SASH1: variants seen among roughly 807,000 people sequenced by gnomAD.
SASH1 encodes SAM and SH3 domain containing 1, also known as SAM and SH3 domain-containing protein 1.
A neutral mutation model predicts 125.2 loss-of-function variants in SASH1; 44 were observed. That is an observed-to-expected ratio of 0.35 (90% CI 0.28 to 0.45). SASH1 has a LOEUF of 0.45. SASH1 is among the 20% of genes least tolerant of loss of function. SASH1 has a pLI of 1.00. For missense variants in SASH1, 1,426 were observed against 1,614.5 expected (o/e 0.88, Z 2.00); for synonymous variants, 639 against 649.1 (o/e 0.98, Z 0.24).
chr6:148,269,536 G>A (rs576922356), upstream of SASH1, among the ~76,000 whole-genome samples: 3 of 152,282 alleles, frequency 2.0e-5, no homozygotes, highest in African/African-American at 7.2e-5. Flanking sequence ...ATAGGTGTGA[G>A]CCACCACCCC....
intron 8 of SASH1, among the ~76,000 whole-genome samples, chr6:148,500,653 T>C (rs1779524648): frequency 6.6e-6 from 1 of 152,230 alleles, no homozygotes; most frequent in Admixed American, 6.5e-5. Flanking sequence ...TTGTAGAAGT[T>C]GTGGGCCTTT....
At chr6:148,403,255 A>G (rs947983061) in intron 2 of SASH1, among the ~76,000 whole-genome samples, 4 of 151,510 alleles carry the variant, frequency 2.6e-5, no homozygotes, top group Non-Finnish European at 5.9e-5. Flanking sequence ...GATATAATAT[A>G]GAATATTAAT....
At chr6:148,491,453 A>G (rs1328150576) in intron 8 of SASH1, among the ~76,000 whole-genome samples, 1 of 152,104 alleles carries the variant, frequency 6.6e-6, no homozygotes, top group East Asian at 1.9e-4. Context: ...TATTTTTAGT[A>G]GAGATGGGGT....
chr6:148,373,147 C>T (rs1297435156), intron 1 of SASH1, among the ~76,000 whole-genome samples: 6 of 152,054 alleles, frequency 3.9e-5, no homozygotes, highest in Admixed American at 2.6e-4. Context: ...GCCAAGATTG[C>T]GCCATTGCAC....
rs1033784615 is a variant in SASH1 at position 148,273,504 on chromosome 6, G to C, written n.74+1127G>C. On this transcript the variant is annotated intron_variant and non_coding_transcript_variant, in intron 1 of 3. Coordinates refer to the SASH1 transcript ENST00000367469. ...AGACAGGGTTTCACCATGTTGACCAGGCTGGTCTTGAACTCCTGACCCCAG... is the reference window on the plus strand; with the variant it reads ...AGACAGGGTTTCACCATGTTGACCACGCTGGTCTTGAACTCCTGACCCCAG... 1.8e-4 allele frequency among the ~76,000 whole-genome samples: 27 copies of C among 151,770 alleles called. No individual in the cohort carries two copies. In the East Asian group the frequency reaches 2.3e-3, roughly 13 times the overall value.
At chr6:148,227,459 G>A in the SASH1 span, among the ~76,000 whole-genome samples, 2 of 152,180 alleles carry the variant, frequency 1.3e-5, no homozygotes, top group Non-Finnish European at 2.9e-5. Context: ...CCGAGTTCAA[G>A]CAATTCTCCT....
At chr6:148,463,856 G>A (rs1777725433) in intron 4 of SASH1, among the ~76,000 whole-genome samples, 1 of 152,158 alleles carries the variant, frequency 6.6e-6, no homozygotes, top group African/African-American at 2.4e-5. Context: ...TTTCTGCTCA[G>A]AGAAGCCTTC....
intron 19 of SASH1, 59 bp from the exon 20 acceptor site, chr6:148,548,236 G>A (rs927514830): frequency 1.9e-5 from 29 of 1,491,500 alleles, no homozygotes; most frequent in Admixed American, 1.2e-4. Flanking sequence ...AGACATACGC[G>A]AAGTAGTCCT....
intron 1 of SASH1, among the ~76,000 whole-genome samples, chr6:148,387,154 G>C (rs1171127382): frequency 8.6e-6 from 1 of 116,368 alleles, no homozygotes; most frequent in African/African-American, 3.3e-5. Flanking sequence ...TTTTGCTCTC[G>C]TTGCCCAGGC....
At chr6:148,446,103 T>TTTTTTTTTTC (rs1562416410) in intron 4 of SASH1, among the ~76,000 whole-genome samples, 5 of 20,670 alleles carry the variant, frequency 2.4e-4, no homozygotes, top group Non-Finnish European at 3.9e-4. Context: ...TTTTTTTTTT[T>TTTTTTTTTTC]TTTTTTTTTT....
At chr6:148,237,142 C>T in the SASH1 span, among the ~76,000 whole-genome samples, 1 of 152,038 alleles carries the variant, frequency 6.6e-6, no homozygotes, top group Non-Finnish European at 1.5e-5. Context: ...CAAGGACCCC[C>T]TGGCCAATTC....
chr6:148,486,119 T>C (rs1030245564), intron 7 of SASH1, among the ~76,000 whole-genome samples: 3 of 152,178 alleles, frequency 2.0e-5, no homozygotes, highest in Admixed American at 2.0e-4. Flanking sequence ...TGCTATAGCC[T>C]TTCTTTCCTT....
At chr6:148,215,726 A>G in the SASH1 span, among the ~76,000 whole-genome samples, 2 of 152,188 alleles carry the variant, frequency 1.3e-5, no homozygotes, top group Non-Finnish European at 2.9e-5. Flanking sequence ...GCATCCCCAG[A>G]CGTCAGGGTC....
intron 2 of SASH1, among the ~76,000 whole-genome samples, chr6:148,425,892 A>G (rs558806645): frequency 6.6e-6 from 1 of 151,402 alleles, no homozygotes; most frequent in East Asian, 2.0e-4. Context: ...TATTTTCTCA[A>G]TGGTCATTAG....
At chr6:148,369,945 T>C (rs776246461) in intron 1 of SASH1, among the ~76,000 whole-genome samples, 8 of 118,330 alleles carry the variant, frequency 6.8e-5, no homozygotes, top group African/African-American at 1.7e-4. Context: ...CACAGCGAGA[T>C]TGTCTCAAAA....
chr6:148,485,189 A>G (rs1189822166), intron 7 of SASH1, among the ~76,000 whole-genome samples: 1 of 152,162 alleles, frequency 6.6e-6, no homozygotes, highest in Non-Finnish European at 1.5e-5. Context: ...CATGGACTAG[A>G]GACCTGAAGA....
the SASH1 span, among the ~76,000 whole-genome samples, chr6:148,214,715 A>G: frequency 6.6e-6 from 1 of 152,134 alleles, no homozygotes; most frequent in Non-Finnish European, 1.5e-5. Flanking sequence ...CTCAGCTCTG[A>G]TATATTAGAG....
At chr6:148,219,825 G>T in the SASH1 span, among the ~76,000 whole-genome samples, 1 of 152,180 alleles carries the variant, frequency 6.6e-6, no homozygotes, top group African/African-American at 2.4e-5. Context: ...GTTTCCCCAC[G>T]TGCATAGGAG....
chr6:148,472,807 G>A (rs1398719064), intron 6 of SASH1, among the ~76,000 whole-genome samples: 1 of 152,124 alleles, frequency 6.6e-6, no homozygotes, highest in Non-Finnish European at 1.5e-5. Context: ...TCTACAGGCA[G>A]ACTCTTTCCC....
Sources: gnomAD v4.1 joint callset for allele counts (sites outside exome capture counted in the v4.1 genomes callset) on GRCh38, gnomAD v4.1.1 for gene constraint, MANE v1.5 for transcripts, NCBI Gene and HGNC (gene_info 2026-07-23, HGNC 2026-07-21) for gene names.